GRIP1: variants seen among roughly 807,000 people sequenced by gnomAD.
GRIP1 encodes glutamate receptor-interacting protein 1.
In GRIP1, 45 loss-of-function variants were observed where a neutral mutation model predicts 129.9. That is an observed-to-expected ratio of 0.35 (90% CI 0.27 to 0.44). The LOEUF is 0.44. Ranked by LOEUF, GRIP1 falls within the 20% of genes least tolerant of loss-of-function variation. The pLI, the probability that GRIP1 is intolerant of heterozygous loss-of-function variation, is 1.00. For synonymous variants in GRIP1, 530 were observed against 520.8 expected (o/e 1.02, Z -0.24); for missense variants, 1,196 against 1,396.8 (o/e 0.86, Z 2.29).
intron 1 of GRIP1, among the ~76,000 whole-genome samples, chr12:66,797,235 G>T (rs1401652522): frequency 6.6e-6 from 1 of 152,158 alleles, no homozygotes; most frequent in Non-Finnish European, 1.5e-5. Context: ...TCTAAAACAA[G>T]ACTTAACTCT....
intron 1 of GRIP1, among the ~76,000 whole-genome samples, chr12:66,691,507 A>G (rs1424039972): frequency 4.6e-5 from 7 of 152,162 alleles, no homozygotes. Flanking sequence ...ATCAACTTTT[A>G]CCTTTCTTGT....
chr12:66,900,729 A>G (rs1163008907), intron 1 of GRIP1, among the ~76,000 whole-genome samples: 1 of 152,192 alleles, frequency 6.6e-6, no homozygotes, highest in Non-Finnish European at 1.5e-5. Context: ...CCTGCTTCAC[A>G]TAGCCTTCCC....
intron 1 of GRIP1, among the ~76,000 whole-genome samples, chr12:66,913,774 T>C (rs116148984): frequency 0.014 from 2,071 of 152,298 alleles, 50 homozygotes; most frequent in African/African-American, 0.047. Context: ...AATCAAGTCA[T>C]AAATCTGAAG....
At chr12:66,811,876 C>A (rs577076231) in intron 1 of GRIP1, among the ~76,000 whole-genome samples, 3 of 152,224 alleles carry the variant, frequency 2.0e-5, no homozygotes, top group African/African-American at 7.2e-5. Flanking sequence ...CACTTCTAAG[C>A]TGTCATAAAT....
At chr12:67,069,246 T>A (rs950581822), upstream of GRIP1, 12 of 309,982 alleles carry the variant, frequency 3.9e-5, no homozygotes, top group Non-Finnish European at 5.1e-5. Context: ...CCGAGGCGGC[T>A]CCCGGGCACA....
At chr12:66,748,365 C>A (rs762978396) in intron 1 of GRIP1, among the ~76,000 whole-genome samples, 1 of 152,160 alleles carries the variant, frequency 6.6e-6, no homozygotes, top group Non-Finnish European at 1.5e-5. Context: ...ATCCTGGCAT[C>A]ACCATACATA....
intron 1 of GRIP1, among the ~76,000 whole-genome samples, chr12:66,608,795 A>T (rs867311962): frequency 6.6e-6 from 1 of 152,214 alleles, no homozygotes; most frequent in African/African-American, 2.4e-5. Flanking sequence ...TGCTGTGAGG[A>T]TTGAACAAAG....
At chr12:66,995,189 A>T (rs187588205) in intron 1 of GRIP1, among the ~76,000 whole-genome samples, 45 of 152,166 alleles carry the variant, frequency 3.0e-4, no homozygotes, top group Admixed American at 7.2e-4. Context: ...TCTAAAAAAA[A>T]AAAAAGACTC....
rs375176155 is a variant in GRIP1, at chr12:66,515,700, T to C, written c.643A>G (p.Thr215Ala). Residue 215 changes from threonine (T) to alanine (A), a missense_variant, in exon 7 of 25, where the codon ACG (threonine) becomes GCG (alanine). This residue lies in a region of GRIP1 where 508 missense variants were observed against 587.0 expected (regional missense o/e 0.87). Coordinates refer to ENST00000359742, the MANE Select transcript of GRIP1 (RefSeq NM_001366722.1). ...AGAATACTCATGGCTTCAGCATGCG[T>C]AGTTCCAAGAAGCCGAATTCCATCC... Reference protein sequence around the residue: ...SVDGIRLLGTTHAEAMSILKQ... With the variant: ...SVDGIRLLGTAHAEAMSILKQ... 185 of 1,613,560 alleles carry C rather than the reference T, an allele frequency of 1.1e-4. No homozygotes were observed. The African/African-American group carries it at 2.2e-3, about 19-fold the overall frequency.
At chr12:66,709,724 A>G (rs903229863) in intron 1 of GRIP1, among the ~76,000 whole-genome samples, 2 of 151,922 alleles carry the variant, frequency 1.3e-5, no homozygotes, top group African/African-American at 4.8e-5. Context: ...CATGAAACTA[A>G]AAAAAGTAAA....
chr12:66,930,555 C>T (rs996146468), intron 1 of GRIP1, among the ~76,000 whole-genome samples: 4 of 151,816 alleles, frequency 2.6e-5, no homozygotes, highest in African/African-American at 9.7e-5. Flanking sequence ...TGAATAATGC[C>T]GCAATAAACA....
intron 1 of GRIP1, among the ~76,000 whole-genome samples, chr12:67,018,269 C>T (rs534126599): frequency 5.3e-4 from 80 of 152,280 alleles, no homozygotes; most frequent in Non-Finnish European, 9.0e-4. Context: ...CTCTCTGCCT[C>T]CAGCCTTTCT....
chr12:66,615,747 C>T (rs370779769), intron 1 of GRIP1, among the ~76,000 whole-genome samples: 3 of 152,136 alleles, frequency 2.0e-5, no homozygotes, highest in Admixed American at 2.0e-4. Flanking sequence ...TGGGTTCAAG[C>T]GATTCTCCTG....
intron 23 of GRIP1, among the ~76,000 whole-genome samples, chr12:66,367,001 A>C (rs1235455827): frequency 1.3e-5 from 2 of 152,170 alleles, no homozygotes; most frequent in African/African-American, 2.4e-5. Context: ...GAATTTTATA[A>C]AAGTCCAAAT....
intron 13 of GRIP1, among the ~76,000 whole-genome samples, chr12:66,439,349 A>G (rs528327607): frequency 8.9e-4 from 135 of 152,250 alleles, no homozygotes; most frequent in Admixed American, 2.7e-3. Flanking sequence ...ACTCTAATAC[A>G]GCACTTGGGC....
At chr12:66,714,569 G>A (rs1014102766) in intron 1 of GRIP1, among the ~76,000 whole-genome samples, 1 of 151,856 alleles carries the variant, frequency 6.6e-6, no homozygotes, top group African/African-American at 2.4e-5. Flanking sequence ...AGCACAAAAT[G>A]TTTACTCCCT....
intron 1 of GRIP1, among the ~76,000 whole-genome samples, chr12:66,842,882 T>C (rs1413159543): frequency 6.6e-6 from 1 of 152,142 alleles, no homozygotes; most frequent in African/African-American, 2.4e-5. Context: ...CAGGAAGCCA[T>C]CAGCTGCTTA....
intron 11 of GRIP1, among the ~76,000 whole-genome samples, chr12:66,450,183 A>T (rs1592346251): frequency 6.6e-6 from 1 of 151,804 alleles, no homozygotes; most frequent in Non-Finnish European, 1.5e-5. Flanking sequence ...AGGCGCCTGT[A>T]GTCCCAGCTA....
At chr12:66,596,203 C>A (rs1316225747) in intron 2 of GRIP1, among the ~76,000 whole-genome samples, 1 of 152,056 alleles carries the variant, frequency 6.6e-6, no homozygotes, top group East Asian at 1.9e-4. Flanking sequence ...ATTTCCTTTC[C>A]TCTTTAATTT....
Sources: allele counts gnomAD v4.1 joint callset (sites outside exome capture counted in the v4.1 genomes callset), GRCh38; gene constraint gnomAD v4.1.1; regional missense constraint gnomAD v4.1.1; transcripts MANE v1.5; gene names NCBI Gene and HGNC (gene_info 2026-07-23, HGNC 2026-07-21).